SH3PXD2A: variants seen among roughly 807,000 people sequenced by gnomAD.
The protein encoded by SH3PXD2A is SH3 and PX domain-containing protein 2A.
In SH3PXD2A, 32 loss-of-function variants were observed where a neutral mutation model predicts 115.2. The observed-to-expected ratio is 0.28, with a 90% confidence interval of 0.21 to 0.37. SH3PXD2A has a LOEUF of 0.37. Ranked by LOEUF, SH3PXD2A falls within the 10% of genes least tolerant of loss-of-function variation. The pLI, the probability that SH3PXD2A is intolerant of heterozygous loss-of-function variation, is 1.00. For synonymous variants in SH3PXD2A, 610 were observed against 629.1 expected, an observed-to-expected ratio of 0.97 and a Z score of 0.45; for missense variants, 1,328 against 1,498.7, an observed-to-expected ratio of 0.89 and a Z score of 1.88.
At chr10:103,697,508 C>T (rs1197102672) in intron 5 of SH3PXD2A, among the ~76,000 whole-genome samples, 1 of 152,110 alleles carries the variant, frequency 6.6e-6, no homozygotes. Flanking sequence ...TTTGGGCTTT[C>T]GCAAATGCCA....
intron 2 of SH3PXD2A, among the ~76,000 whole-genome samples, chr10:103,801,052 T>G (rs11191812): frequency 0.1 from 15,851 of 152,124 alleles, 2,230 homozygotes; most frequent in East Asian, 0.32. Context: ...GACAAAGCGT[T>G]ACTGTTAAGA....
At chr10:103,705,709 T>C (rs1197351491) in intron 5 of SH3PXD2A, among the ~76,000 whole-genome samples, 1 of 152,084 alleles carries the variant, frequency 6.6e-6, no homozygotes, top group Non-Finnish European at 1.5e-5. Context: ...GAAGGACACA[T>C]AAAATCCAGA....
rs553960522 is a variant in SH3PXD2A at position 103,620,545 on chromosome 10, C to T, written c.802+1925G>A. ...GGGAGCGGAGGCCGTGGGGAAGCTC[C>T]GCTTTTCTCTTGTCTAGCTCCTCCA... On this transcript the variant is annotated intron_variant, in intron 10 of 14. Coordinates refer to ENST00000369774, the MANE Select transcript of SH3PXD2A (RefSeq NM_001394015.1). The surrounding 1 kb of genome is among the most constrained non-coding windows in gnomAD (Gnocchi z 5.3). Among the ~76,000 whole-genome samples, 2 of 152,302 alleles carry T rather than the reference C, an allele frequency of 1.3e-5. No homozygotes were observed. Among genetic ancestry groups the T allele is most frequent in the Admixed American group, 6.5e-5 (1 of 15,292 alleles).
At chr10:103,831,056 T>C (rs1372286322) in intron 1 of SH3PXD2A, among the ~76,000 whole-genome samples, 2 of 152,280 alleles carry the variant, frequency 1.3e-5, no homozygotes, top group African/African-American at 4.8e-5. Flanking sequence ...AGTCTGTGTT[T>C]GCATGCTTTT....
In SH3PXD2A at chr10:103,753,317, CAAAAAAAAAAAAAAAA is replaced by C. The variant is rs60364879; in HGVS notation, c.229+13761_229+13776del. On this transcript the variant is annotated intron_variant, in intron 3 of 14. Transcript: ENST00000369774. ...CAACATGGTGAAACCCTGCCTCTAC[CAAAAAAAAAAAAAAAA>C]AAAAAAAAAAAAATTAGCCGGGCAT... is the stretch of plus-strand genomic sequence containing the variant. Among the ~76,000 whole-genome samples, 9 of 62,866 alleles carry C rather than the reference CAAAAAAAAAAAAAAAA, an allele frequency of 1.4e-4. No homozygotes were observed. The East Asian group carries it at 4.9e-3, about 34-fold the overall frequency. 41.2% of individuals were successfully genotyped at this position (62,866 alleles called of 152,430 possible).
At chr10:103,715,468 G>A (rs139574279) in intron 5 of SH3PXD2A, among the ~76,000 whole-genome samples, 6 of 152,354 alleles carry the variant, frequency 3.9e-5, no homozygotes, top group Non-Finnish European at 5.9e-5. Context: ...AAGGGAGGCT[G>A]CTGTGGAGAG....
intron 1 of SH3PXD2A, among the ~76,000 whole-genome samples, chr10:103,850,788 T>A (rs1270678321): frequency 6.6e-6 from 1 of 152,178 alleles, no homozygotes; most frequent in African/African-American, 2.4e-5. Flanking sequence ...AGTCTTTCCT[T>A]TTCTCTCAGA....
intron 2 of SH3PXD2A, among the ~76,000 whole-genome samples, chr10:103,789,620 C>T (rs542476883): frequency 6.6e-6 from 1 of 152,332 alleles, no homozygotes; most frequent in African/African-American, 2.4e-5. Context: ...GAGGGGGGCA[C>T]TGTCACCCAA....
At chr10:103,614,479 C>G (rs1000831198) in intron 11 of SH3PXD2A, among the ~76,000 whole-genome samples, 1 of 151,994 alleles carries the variant, frequency 6.6e-6, no homozygotes, top group Non-Finnish European at 1.5e-5. Context: ...AAAAACAAAA[C>G]AAAACAAAAG....
At chr10:103,716,506 A>G (rs1444407729) in intron 5 of SH3PXD2A, among the ~76,000 whole-genome samples, 1 of 152,186 alleles carries the variant, frequency 6.6e-6, no homozygotes, top group African/African-American at 2.4e-5. Flanking sequence ...ATGCAATGTC[A>G]AGAATTTAAC....
Position 103,746,512 on chromosome 10 carries a change from G to A in SH3PXD2A, c.230-10704C>T, listed in dbSNP as rs2038505005. ...TTTTTTGTATTTTTTTGTAGAAACT[G>A]GGTTTCACCATGTAGCCCAGGCTGG... On this transcript the variant is annotated intron_variant, in intron 3 of 14. Transcript: ENST00000369774. The surrounding 1 kb of genome is among the most constrained non-coding windows in gnomAD (Gnocchi z 4.4). 6.6e-6 allele frequency among the ~76,000 whole-genome samples: 1 copy of A among 152,058 alleles called. No individual in the cohort carries two copies. The highest frequency in any genetic ancestry group is 2.4e-5 in the African/African-American group (1 of 41,382).
rs1324729617 is a variant in SH3PXD2A, at chr10:103,777,749, A to G, written c.154-10580T>C. 1.1e-4 allele frequency among the ~76,000 whole-genome samples: 17 copies of G among 152,196 alleles called. 1 individual carries two copies. The highest frequency in any genetic ancestry group is 1.1e-3 in the Admixed American group (17 of 15,278). On this transcript the variant is annotated intron_variant, in intron 2 of 14. Transcript: ENST00000369774. ...CCCATGGCCTTTGTGCAGGAGAGAAAGAGCACTAGGTTGGAGTCAACAGAG... is the reference window on the plus strand; with the variant it reads ...CCCATGGCCTTTGTGCAGGAGAGAAGGAGCACTAGGTTGGAGTCAACAGAG...
intron 8 of SH3PXD2A, among the ~76,000 whole-genome samples, chr10:103,645,543 C>G (rs546518684): frequency 3.9e-5 from 6 of 152,286 alleles, no homozygotes; most frequent in African/African-American, 1.2e-4. Context: ...GCTTGGATAC[C>G]TGACCCGGCC....
intron 6 of SH3PXD2A, among the ~76,000 whole-genome samples, chr10:103,680,552 C>T (rs2037594968): frequency 6.6e-6 from 1 of 152,210 alleles, no homozygotes; most frequent in Non-Finnish European, 1.5e-5. Flanking sequence ...GCTGGGATTA[C>T]AGGCGTGAAC....
chr10:103,696,561 G>A (rs2037826865), intron 5 of SH3PXD2A, among the ~76,000 whole-genome samples: 1 of 152,136 alleles, frequency 6.6e-6, no homozygotes, highest in Non-Finnish European at 1.5e-5. Flanking sequence ...GCCCTGAGCT[G>A]GTGCTGACAG....
chr10:103,693,480 T>A (rs1039059899), intron 5 of SH3PXD2A: 33 of 147,664 alleles, frequency 2.2e-4, no homozygotes, highest in African/African-American at 7.4e-4. Context: ...GCGGTTCACC[T>A]CCCAATTCTT....
chr10:103,830,472 T>C (rs1429474075), intron 1 of SH3PXD2A, among the ~76,000 whole-genome samples: 1 of 152,198 alleles, frequency 6.6e-6, no homozygotes, highest in African/African-American at 2.4e-5. Flanking sequence ...CATATGGCTT[T>C]TCAGTAGCAA....
intron 1 of SH3PXD2A, among the ~76,000 whole-genome samples, 180 bp from the exon 2 acceptor site, chr10:103,801,542 T>TAC (rs148335179): frequency 0.057 from 8,120 of 142,920 alleles, 286 homozygotes; most frequent in Non-Finnish European, 0.065. Flanking sequence ...TATGTCTAAA[T>TAC]ACACACACAC....
At chr10:103,779,583 G>C (rs2038913396) in intron 2 of SH3PXD2A, among the ~76,000 whole-genome samples, 1 of 152,194 alleles carries the variant, frequency 6.6e-6, no homozygotes, top group African/African-American at 2.4e-5. Flanking sequence ...CCCTGAGGCT[G>C]CTGAGCAGCG....
Sources: allele counts gnomAD v4.1 joint callset (sites outside exome capture counted in the v4.1 genomes callset), GRCh38; gene constraint gnomAD v4.1.1; non-coding constraint Gnocchi (gnomAD v3.1); transcripts MANE v1.5; gene names NCBI Gene and HGNC (gene_info 2026-07-23, HGNC 2026-07-21).